SNAP91: variants seen among roughly 807,000 people sequenced by gnomAD.
SNAP91 encodes the protein synaptosome associated protein 91.
In SNAP91, 27 loss-of-function variants were observed where a neutral mutation model predicts 100.3. The observed-to-expected ratio is 0.27, with a 90% CI of 0.20 to 0.37. The LOEUF (loss-of-function observed/expected upper bound fraction) is 0.37, where lower values mean the gene tolerates loss of function less well. Ranked by LOEUF, SNAP91 falls within the 10% of genes least tolerant of loss-of-function variation. SNAP91 has a pLI of 1.00. For missense variants in SNAP91, 986 were observed against 1,123.7 expected, an observed-to-expected ratio of 0.88 and a Z score of 1.75; for synonymous variants, 404 against 398.6, an observed-to-expected ratio of 1.01 and a Z score of -0.16.
chr6:83,573,563 T>A (rs1040809199), intron 26 of SNAP91, among the ~76,000 whole-genome samples: 26 of 152,142 alleles, frequency 1.7e-4, no homozygotes, highest in Non-Finnish European at 3.4e-4. Flanking sequence ...ACTACAAGGC[T>A]ACAGTAACCA....
At chr6:83,687,673 T>G (rs1203239800) in intron 2 of SNAP91, among the ~76,000 whole-genome samples, 1 of 152,124 alleles carries the variant, frequency 6.6e-6, no homozygotes, top group Non-Finnish European at 1.5e-5. Flanking sequence ...CCAACTACTG[T>G]GTTAAGAGTA....
intron 8 of SNAP91, among the ~76,000 whole-genome samples, chr6:83,628,940 C>T (rs139006470): frequency 1.2e-4 from 19 of 152,060 alleles, no homozygotes; most frequent in African/African-American, 1.7e-4. Context: ...TCCTTGCCTA[C>T]GCCAATGTCT....
chr6:83,600,366 G>A lies in SNAP91; in HGVS notation c.1324+905C>T, dbSNP rs537347676. 2.6e-4 allele frequency among the ~76,000 whole-genome samples: 40 copies of A among 152,240 alleles called. No homozygotes were observed. The South Asian group carries it at 6.2e-3, about 24-fold the overall frequency. On this transcript the variant is annotated intron_variant, in intron 16 of 29. Coordinates refer to ENST00000369694, the MANE Select transcript of SNAP91 (RefSeq NM_001242792.2). ...CACCAAAGCCTGCCAAATCTCTCTT[G>A]CTTTCACCATTTTCTTCCTCCAATT...
intron 2 of SNAP91, among the ~76,000 whole-genome samples, chr6:83,683,422 T>C (rs188806852): frequency 9.9e-5 from 15 of 152,264 alleles, no homozygotes; most frequent in African/African-American, 3.4e-4. Flanking sequence ...CTCACGGTAA[T>C]GAGTTAATTC....
chr6:83,560,255 C>T, intron 27 of SNAP91, 47 bp from the exon 28 acceptor site: 1 of 1,315,064 alleles, frequency 7.6e-7, no homozygotes. Flanking sequence ...GTGGAACTCA[C>T]TAGGGCACTA....
At chr6:83,697,088 T>G (rs951725526) in intron 2 of SNAP91, among the ~76,000 whole-genome samples, 2 of 152,164 alleles carry the variant, frequency 1.3e-5, no homozygotes, top group Non-Finnish European at 2.9e-5. Context: ...CTTTCCTTAC[T>G]GCTTGTCGAA....
At chr6:83,698,151 TG>T (rs1334122244) in intron 2 of SNAP91, among the ~76,000 whole-genome samples, 5 of 151,772 alleles carry the variant, frequency 3.3e-5, no homozygotes, top group Non-Finnish European at 5.9e-5. Flanking sequence ...CAATGAACTG[TG>T]GGGTATGTGT....
chr6:83,560,225 G>A lies in SNAP91; in HGVS notation c.2527-17C>T. On this transcript the variant is annotated splice_polypyrimidine_tract_variant and intron_variant, in intron 27 of 29. Coordinates refer to ENST00000369694, the MANE Select transcript of SNAP91 (RefSeq NM_001242792.2). ...AGCAGGAGGCTGAGGAGGAAGAATG[G>A]AGAGTGGTTCAGAGCATGAGTGGAA... 1 of 1,600,906 alleles carries A rather than the reference G, an allele frequency of 6.2e-7. No individual in the cohort carries two copies. The highest frequency in any genetic ancestry group is 8.6e-7 in the Non-Finnish European group (1 of 1,168,458).
At chr6:83,631,646 A>C (rs891726023) in intron 8 of SNAP91, among the ~76,000 whole-genome samples, 2 of 152,152 alleles carry the variant, frequency 1.3e-5, no homozygotes, top group Admixed American at 6.6e-5. Flanking sequence ...TGATATAAGA[A>C]TAGCTCTTCC....
In SNAP91 at chr6:83,593,027, G is replaced by C; in HGVS notation, c.1775-10C>G. On this transcript the variant is annotated splice_polypyrimidine_tract_variant and intron_variant, in intron 19 of 29. Coordinates refer to ENST00000369694, the MANE Select transcript of SNAP91 (RefSeq NM_001242792.2). ...GGAGAGGAGAAAGCATCTTCCAAAA[G>C]TGAAACAAACCAAAACCAAGCAGAG... The C allele has an allele frequency of 6.4e-7, 1 of 1,572,670 alleles. No individual in the cohort carries two copies. Among genetic ancestry groups the C allele is most frequent in the Non-Finnish European group, 8.6e-7 (1 of 1,158,472 alleles).
At chr6:83,657,695 C>T (rs2098440412) in intron 6 of SNAP91, among the ~76,000 whole-genome samples, 1 of 151,732 alleles carries the variant, frequency 6.6e-6, no homozygotes, top group African/African-American at 2.4e-5. Flanking sequence ...TACCAAAATA[C>T]AAAAAGGCTG....
At chr6:83,607,492 T>G (rs189954419) in intron 13 of SNAP91, among the ~76,000 whole-genome samples, 3 of 152,308 alleles carry the variant, frequency 2.0e-5, no homozygotes, top group Admixed American at 2.0e-4. Flanking sequence ...TTTCTCAGTT[T>G]GTGACAACAA....
At chr6:83,568,319 G>C (rs1460175841) in intron 26 of SNAP91, among the ~76,000 whole-genome samples, 1 of 152,082 alleles carries the variant, frequency 6.6e-6, no homozygotes, top group East Asian at 1.9e-4. Context: ...CACAGGAAGG[G>C]GAACATCACA....
At chr6:83,568,284 G>T (rs1411668036) in intron 26 of SNAP91, among the ~76,000 whole-genome samples, 1 of 151,910 alleles carries the variant, frequency 6.6e-6, no homozygotes, top group African/African-American at 2.4e-5. Flanking sequence ...TCATAGGTGG[G>T]AATTGAACAA....
intron 2 of SNAP91, among the ~76,000 whole-genome samples, chr6:83,705,233 A>C (rs553398658): frequency 1.3e-5 from 2 of 152,116 alleles, no homozygotes; most frequent in East Asian, 3.9e-4. Flanking sequence ...ACTAACCAAT[A>C]CTCCTCAGTG....
chr6:83,689,868 T>C (rs2128979161), intron 2 of SNAP91, among the ~76,000 whole-genome samples: 1 of 152,238 alleles, frequency 6.6e-6, no homozygotes, highest in African/African-American at 2.4e-5. Flanking sequence ...ACACATTCTA[T>C]TTTGACATTT....
intron 8 of SNAP91, among the ~76,000 whole-genome samples, chr6:83,633,012 C>T (rs527908654): frequency 6.6e-5 from 10 of 152,194 alleles, no homozygotes; most frequent in Non-Finnish European, 1.5e-4. Context: ...TTTGGGTAGG[C>T]TCTGTCAGAC....
intron 2 of SNAP91, among the ~76,000 whole-genome samples, chr6:83,694,970 T>TA (rs1220960715): frequency 2.0e-5 from 3 of 151,936 alleles, no homozygotes; most frequent in Admixed American, 6.6e-5. Flanking sequence ...ACACATACTT[T>TA]AAAAAAACGA....
At chr6:83,663,744 C>A (rs2098610874) in intron 3 of SNAP91, among the ~76,000 whole-genome samples, 1 of 152,118 alleles carries the variant, frequency 6.6e-6, no homozygotes, top group Non-Finnish European at 1.5e-5. Flanking sequence ...GAAGATCTAG[C>A]TGAGATAATT....
Sources: gnomAD v4.1 joint callset for allele counts (sites outside exome capture counted in the v4.1 genomes callset) on GRCh38, gnomAD v4.1.1 for gene constraint, MANE v1.5 for transcripts, NCBI Gene and HGNC (gene_info 2026-07-23, HGNC 2026-07-21) for gene names.